MKRN2: variants seen among roughly 807,000 people sequenced by gnomAD.
MKRN2 encodes E3 ubiquitin-protein ligase makorin-2.
Under a neutral mutation model 45.4 loss-of-function variants are expected in MKRN2, and 32 were observed. That is an observed-to-expected ratio of 0.70 (90% CI 0.53 to 0.95). The LOEUF is 0.95. Ranked by LOEUF, MKRN2 falls within the 40% of genes least tolerant of loss-of-function variation. The pLI, the probability that MKRN2 is intolerant of heterozygous loss-of-function variation, is 0.00. For synonymous variants in MKRN2, 206 were observed against 192.4 expected (o/e 1.07, Z -0.59); for missense variants, 526 against 536.7 (o/e 0.98, Z 0.20).
At chr3:12,576,909 G>T in intron 6 of MKRN2, 168 bp downstream of exon 6, 3 of 238,056 alleles carry the variant, frequency 1.3e-5, no homozygotes, top group Non-Finnish European at 2.4e-5. Flanking sequence ...AGGACATGGT[G>T]ATGTGGACCT....
intron 5 of MKRN2, among the ~76,000 whole-genome samples, chr3:12,575,211 C>A (rs978662645): frequency 6.6e-6 from 1 of 152,158 alleles, no homozygotes; most frequent in African/African-American, 2.4e-5. Flanking sequence ...TCCTACCAAG[C>A]TTTCTGGGTG....
At chr3:12,571,096 A>C (rs944893746) in intron 3 of MKRN2, among the ~76,000 whole-genome samples, 1 of 130,572 alleles carries the variant, frequency 7.7e-6, no homozygotes, top group Admixed American at 7.6e-5. Flanking sequence ...CAAATTGTAA[A>C]AGTTTTTTTG....
Position 12,583,399 on chromosome 3 carries a change from G to GTACTT in MKRN2, c.*1148_*1152dup, listed in dbSNP as rs1203221975. 1.7e-5 allele frequency: 3 copies of GTACTT among 177,480 alleles called. No homozygotes were observed. The highest frequency in any genetic ancestry group is 3.6e-5 in the Non-Finnish European group (3 of 82,996). The allele number at this position is 177,480 out of a possible 1,614,324, so 11.0% of individuals were successfully genotyped here. On this transcript the variant is annotated 3_prime_UTR_variant, in exon 8 of 8. Transcript: ENST00000170447. ...ACTTAAGGTATTAGCTGAGTTTAGA[G>GTACTT]TACTTTCTGCTTAATTAATTTTTAT...
chr3:12,572,473 G>T (rs747679237), intron 4 of MKRN2, 100 bp downstream of exon 4: 74 of 1,110,804 alleles, frequency 6.7e-5, no homozygotes, highest in Non-Finnish European at 7.6e-5. Context: ...AATCTGAAAT[G>T]TACTAAGTGA....
Position 12,583,213 on chromosome 3 carries a change from G to A in MKRN2, c.*960G>A, listed in dbSNP as rs533621166. 1 of 152,374 alleles carries A rather than the reference G, an allele frequency of 6.6e-6. No individual in the cohort carries two copies. Among genetic ancestry groups the A allele is most frequent in the South Asian group, 2.1e-4 (1 of 4,826 alleles). The allele number at this position is 152,374 out of a possible 1,614,324, so 9.4% of individuals were successfully genotyped here. A position where few individuals can be genotyped will look rare whatever the true frequency, so the allele number is the denominator to read the frequency against. On this transcript the variant is annotated 3_prime_UTR_variant, in exon 8 of 8. Transcript: ENST00000170447. ...TCTGACCCAGCAGTGGTCCTGAAGA[G>A]AGCTGATGGCAAGTCTTGTAGTCAT...
chr3:12,561,199 A>G (rs1010341848), intron 1 of MKRN2: 2 of 152,212 alleles, frequency 1.3e-5, no homozygotes, highest in Non-Finnish European at 2.9e-5. Flanking sequence ...AGTGGCTTTT[A>G]TGAAGTCACC....
intron 1 of MKRN2, among the ~76,000 whole-genome samples, chr3:12,564,103 G>A (rs1559387088): frequency 6.6e-6 from 1 of 151,744 alleles, no homozygotes; most frequent in African/African-American, 2.4e-5. Context: ...CCACCACCAC[G>A]CCCGGCTAAT....
chr3:12,570,091 C>T lies in MKRN2; in HGVS notation c.176C>T (p.Ser59Phe), dbSNP rs1288982956. 1.2e-6 allele frequency: 2 copies of T among 1,612,316 alleles called. No homozygotes were observed. Among genetic ancestry groups the T allele is most frequent in the Admixed American group, 3.4e-5 (2 of 59,544 alleles). Residue 59 changes from serine to phenylalanine, a missense_variant, in exon 3 of 8, where the codon TCT (serine) becomes TTT (phenylalanine). By Grantham distance (155) the Ser-to-Phe change is radical. Transcript: ENST00000170447. Reference sequence around the variant, plus strand: ...TTTAGATATGACCACACGAGGCCCTCTGCTGCAGCTGGAGGTGCTGTGGGC... The same window carrying T: ...TTTAGATATGACCACACGAGGCCCTTTGCTGCAGCTGGAGGTGCTGTGGGC... ...TRCRYDHTRP[S>F]AAAGGAVGTM...
At position 12,581,905 on chromosome 3, in the gene MKRN2, G is replaced by A. The variant is rs929328808; in HGVS notation, c.1066G>A (p.Glu356Lys). 3.1e-6 allele frequency: 5 copies of A among 1,614,170 alleles called. No individual in the cohort carries two copies. Among genetic ancestry groups the A allele is most frequent in the Non-Finnish European group, 4.2e-6 (5 of 1,180,048 alleles). Residue 356 changes from glutamate to lysine, a missense_variant, in exon 7 of 8, where the codon GAG becomes AAG. Glu to Lys is a moderately conservative substitution (Grantham distance 56). Transcript: ENST00000170447. ...RHAYPDGRLA[E>K]PEKPRKQLSS... ...TGCTTACCCCGATGGGCGGCTAGCA[G>A]AGCCTGAGAAACCTCGGAAACAGCT... is the stretch of plus-strand genomic sequence containing the variant.
Position 12,574,928 on chromosome 3 carries a change from C to G in MKRN2, c.779C>G (p.Ser260Cys). ...TCTGAGAGGAGATTTGGGATTCTCT[C>G]CAATTGCAATCACACGTACTGTTTG... The part of the protein sequence containing the change: ...SASERRFGIL[S>C]NCNHTYCLSC... The change falls in exon 5 of 8, where the codon TCC becomes TGC. Residue 260 changes from serine (S) to cysteine (C), a missense_variant. Coordinates refer to ENST00000170447, the MANE Select transcript of MKRN2 (RefSeq NM_014160.5). The G allele has an allele frequency of 1.2e-6, 2 of 1,614,232 alleles. No individual in the cohort carries two copies. The highest frequency in any genetic ancestry group is 1.7e-5 in the Admixed American group (1 of 60,028).
intron 5 of MKRN2, 65 bp from the exon 6 acceptor site, chr3:12,576,566 T>C (rs1363116099): frequency 1.7e-6 from 2 of 1,173,300 alleles, no homozygotes; most frequent in Non-Finnish European, 2.5e-6. Context: ...GCAAGAGGTT[T>C]AGCAGAGAGT....
At chr3:12,580,355 T>C (rs2058169051) in intron 6 of MKRN2, among the ~76,000 whole-genome samples, 2 of 152,144 alleles carry the variant, frequency 1.3e-5, no homozygotes, top group African/African-American at 4.8e-5. Context: ...AGCAGGGGCC[T>C]GGAGGATGTG....
intron 6 of MKRN2, among the ~76,000 whole-genome samples, chr3:12,580,469 G>A (rs1166119825): frequency 4.3e-5 from 1 of 23,290 alleles, no homozygotes; most frequent in African/African-American, 1.8e-4. Flanking sequence ...ACCACCCCCA[G>A]TGAGACGAAG....
intron 3 of MKRN2, 26 bp from the exon 4 acceptor site, chr3:12,572,043 G>A (rs367720459): frequency 6.4e-6 from 10 of 1,552,404 alleles, no homozygotes; most frequent in South Asian, 1.2e-5. Flanking sequence ...ATTTTCATGT[G>A]CATGTGTGCT....
chr3:12,565,656 T>G (rs1297730049), intron 1 of MKRN2, among the ~76,000 whole-genome samples: 2 of 149,420 alleles, frequency 1.3e-5, no homozygotes, highest in African/African-American at 2.5e-5. Context: ...CTACCTCATC[T>G]TCCCAAGTAG....
chr3:12,561,381 GTCTT>G (rs941986318), intron 1 of MKRN2, among the ~76,000 whole-genome samples: 2 of 152,228 alleles, frequency 1.3e-5, no homozygotes, highest in Non-Finnish European at 2.9e-5. Flanking sequence ...ACCTAAAAAA[GTCTT>G]TCTTCTTGTC....
intron 1 of MKRN2, among the ~76,000 whole-genome samples, chr3:12,563,999 G>T (rs915800532): frequency 1.3e-5 from 2 of 151,666 alleles, no homozygotes; most frequent in African/African-American, 4.8e-5. Context: ...AGGCTGGAGT[G>T]CAGTGGCGTG....
Position 12,574,917 on chromosome 3 carries a change from TGG to T in MKRN2, c.770_771del (p.Gly257AspfsTer24). 1 of 1,614,222 alleles carries T rather than the reference TGG, an allele frequency of 6.2e-7. No homozygotes were observed. Among genetic ancestry groups the T allele is most frequent in the Middle Eastern group, 1.6e-4 (1 of 6,062 alleles). ...AGGCCTCTGCTTCTGAGAGGAGATTTGGGATTCTCTCCAATTGCAATCACACG... is the reference window on the plus strand; with the variant it reads ...AGGCCTCTGCTTCTGAGAGGAGATTTGATTCTCTCCAATTGCAATCACACG... ...EKASASERRF[G>X]ILSNCNHTYC... On this transcript the variant is annotated frameshift_variant, in exon 5 of 8. Coordinates refer to ENST00000170447, the MANE Select transcript of MKRN2 (RefSeq NM_014160.5). LOFTEE classifies it high-confidence loss of function.
intron 4 of MKRN2, among the ~76,000 whole-genome samples, chr3:12,573,659 C>T (rs543337365): frequency 7.2e-5 from 11 of 152,156 alleles, no homozygotes; most frequent in South Asian, 4.2e-4. Context: ...TTTGGGAGGA[C>T]GAGGCAGGCG....
Sources: gnomAD v4.1 joint callset for allele counts (sites outside exome capture counted in the v4.1 genomes callset) on GRCh38, gnomAD v4.1.1 for gene constraint, MANE v1.5 for transcripts, NCBI Gene and HGNC (gene_info 2026-07-23, HGNC 2026-07-21) for gene names.